Variants in LRP1B observed in about 807,000 individuals in gnomAD.
LRP1B encodes the protein LDL receptor related protein 1B.
In LRP1B, 217 loss-of-function variants were observed where a neutral mutation model predicts 556.6. That is an observed-to-expected ratio of 0.39 (90% CI 0.35 to 0.44). The LOEUF is 0.44. Ranked by LOEUF, LRP1B falls within the 20% of genes least tolerant of loss-of-function variation. The pLI, the probability that LRP1B is intolerant of heterozygous loss-of-function variation, is 1.00. For missense variants in LRP1B, 5,053 were observed against 5,620.8 expected (o/e 0.90, Z 3.23); for synonymous variants, 2,047 against 1,865.8 (o/e 1.10, Z -2.50).
intron 2 of LRP1B, among the ~76,000 whole-genome samples, chr2:141,809,143 C>T (rs1696257059): frequency 1.3e-5 from 2 of 152,134 alleles, no homozygotes; most frequent in South Asian, 2.1e-4. Flanking sequence ...TAAACTCTTC[C>T]TGTGGAAAAA....
chr2:140,899,247 C>T (rs971862765), intron 23 of LRP1B: 1 of 152,796 alleles, frequency 6.5e-6, no homozygotes, highest in African/African-American at 2.4e-5. Context: ...TTATGTTTTA[C>T]TCAATGATCC....
Position 140,702,432 on chromosome 2 carries a change from A to T in LRP1B, c.6145T>A (p.Tyr2049Asn), listed in dbSNP as rs1317866543. 1 of 1,613,498 alleles carries T rather than the reference A, an allele frequency of 6.2e-7. No homozygotes were observed. The highest frequency in any genetic ancestry group is 1.7e-4 in the Middle Eastern group (1 of 6,052). Residue 2049 changes from tyrosine (Y) to asparagine (N), a missense_variant, in exon 38 of 91, where the codon TAT becomes AAT. Around this residue, in one of 5 missense-constraint regions of LRP1B, gnomAD observed 3,619 missense variants for 3,931.9 expected, o/e 0.92. Transcript: ENST00000389484. ...IAWPNGISID[Y>N]EENKLYWCDA... ...TGAAAAGAAATCCAACAGACCTCATAGTCGATGGAGATGCCATTCGGCCAT... is the reference window on the plus strand; with the variant it reads ...TGAAAAGAAATCCAACAGACCTCATTGTCGATGGAGATGCCATTCGGCCAT...
intron 67 of LRP1B, among the ~76,000 whole-genome samples, chr2:140,379,484 C>A (rs1683378630): frequency 6.6e-6 from 1 of 152,084 alleles, no homozygotes; most frequent in Admixed American, 6.6e-5. Flanking sequence ...CAGTTGAGGT[C>A]AGGAGTTCAA....
intron 11 of LRP1B, among the ~76,000 whole-genome samples, chr2:141,044,539 T>C (rs1167784969): frequency 2.0e-5 from 3 of 148,922 alleles, no homozygotes; most frequent in African/African-American, 4.9e-5. Flanking sequence ...AGGGCTAATA[T>C]CCAGAATCTA....
At chr2:141,054,544 G>C (rs958023849) in intron 10 of LRP1B, among the ~76,000 whole-genome samples, 3 of 151,826 alleles carry the variant, frequency 2.0e-5, no homozygotes, top group African/African-American at 7.3e-5. Context: ...ATAAAACAAA[G>C]ATATATCTAA....
At chr2:140,404,898 T>A (rs761230614) in intron 66 of LRP1B, among the ~76,000 whole-genome samples, 8 of 152,330 alleles carry the variant, frequency 5.3e-5, no homozygotes, top group Middle Eastern at 3.4e-3. Flanking sequence ...CTACAAGACA[T>A]GCTACCCAAC....
intron 12 of LRP1B, among the ~76,000 whole-genome samples, chr2:141,016,615 A>T (rs1408318875): frequency 6.6e-6 from 1 of 152,126 alleles, no homozygotes; most frequent in East Asian, 1.9e-4. Flanking sequence ...AAACAAAAGC[A>T]TCTGCCTTTA....
rs147029389 is a variant in LRP1B at position 141,812,419 on chromosome 2, C to T, written c.83-2018G>A. On this transcript the variant is annotated intron_variant, in intron 1 of 90. Coordinates refer to ENST00000389484, the MANE Select transcript of LRP1B (RefSeq NM_018557.3). ...GTTCATTTTATCTATAGCTACTTTG[C>T]GTTTGATCTACGGTCTTGAAATGCT... is the stretch of plus-strand genomic sequence containing the variant. Among the ~76,000 whole-genome samples the T allele has an allele frequency of 1.3e-3, 200 of 152,156 alleles. 1 individual carries two copies. Among genetic ancestry groups the T allele is most frequent in the Non-Finnish European group, 5.1e-4 (35 of 67,984 alleles).
At chr2:140,662,194 T>G (rs922002713) in intron 41 of LRP1B, among the ~76,000 whole-genome samples, 6 of 151,930 alleles carry the variant, frequency 3.9e-5, no homozygotes, top group African/African-American at 1.4e-4. Context: ...ATATATATAC[T>G]ATTAAAAGGA....
At chr2:141,259,599 A>G (rs568708450) in intron 3 of LRP1B, among the ~76,000 whole-genome samples, 2 of 152,300 alleles carry the variant, frequency 1.3e-5, no homozygotes, top group Admixed American at 6.5e-5. Flanking sequence ...CAAGCCCACA[A>G]TGGAAAGAGC....
chr2:141,079,343 A>G (rs1699868795), intron 7 of LRP1B, among the ~76,000 whole-genome samples: 1 of 152,242 alleles, frequency 6.6e-6, no homozygotes, highest in Admixed American at 6.5e-5. Context: ...CTACTGAAGT[A>G]CTGGGACCAC....
rs75259946 is a variant in LRP1B, at chr2:140,580,618, T to C, written c.7194+18013A>G. ...TTCCAATTTCCATGATAGCTCATAATAGCTCAGAGAAAGAATGAGGAAATG... is the reference window on the plus strand; with the variant it reads ...TTCCAATTTCCATGATAGCTCATAACAGCTCAGAGAAAGAATGAGGAAATG... On this transcript the variant is annotated intron_variant, in intron 43 of 90. Coordinates refer to ENST00000389484, the MANE Select transcript of LRP1B (RefSeq NM_018557.3). Among the ~76,000 whole-genome samples the C allele has an allele frequency of 8.0e-3, 1,211 of 152,108 alleles. 17 individuals carry two copies. The highest frequency in any genetic ancestry group is 0.028 in the African/African-American group (1,162 of 41,356).
chr2:141,812,026 A>C (rs947991849), intron 1 of LRP1B, among the ~76,000 whole-genome samples: 2 of 152,160 alleles, frequency 1.3e-5, no homozygotes, highest in African/African-American at 4.8e-5. Flanking sequence ...TAAGGTAATA[A>C]TTATTGCAGT....
chr2:141,743,486 CT>C (rs765968445), intron 2 of LRP1B, among the ~76,000 whole-genome samples: 10,518 of 107,344 alleles, frequency 0.098, 379 homozygotes, highest in South Asian at 0.22. Context: ...CTGCTTTTTT[CT>C]TTTTTTTTTT....
chr2:140,301,084 T>C (rs1437003068), intron 83 of LRP1B, among the ~76,000 whole-genome samples: 1 of 152,150 alleles, frequency 6.6e-6, no homozygotes, highest in African/African-American at 2.4e-5. Flanking sequence ...AGTGATGGGC[T>C]AGAGCTGAAA....
At chr2:142,087,778 A>C (rs1277342042) in intron 1 of LRP1B, among the ~76,000 whole-genome samples, 1 of 152,090 alleles carries the variant, frequency 6.6e-6, no homozygotes, top group Non-Finnish European at 1.5e-5. Context: ...CTTAAGCCTA[A>C]GAACAGATAA....
chr2:140,529,528 C>T (rs1690595310), intron 47 of LRP1B, among the ~76,000 whole-genome samples: 1 of 151,810 alleles, frequency 6.6e-6, no homozygotes, highest in South Asian at 2.1e-4. Context: ...CCCTTAGGTT[C>T]TAAGGGTGCA....
intron 16 of LRP1B, among the ~76,000 whole-genome samples, chr2:140,993,292 C>CA (rs1697145657): frequency 1.3e-5 from 2 of 151,990 alleles, no homozygotes; most frequent in Admixed American, 6.6e-5. Context: ...TTATATCTCT[C>CA]AAAATCACTT....
chr2:140,233,302 A>G lies in LRP1B; in HGVS notation c.13684T>C (p.Tyr4562His), dbSNP rs752638131. 7.5e-6 allele frequency: 12 copies of G among 1,600,110 alleles called. No individual in the cohort carries two copies. Among genetic ancestry groups the G allele is most frequent in the Middle Eastern group, 1.7e-4 (1 of 5,968 alleles). ...TGCCCATCCATATATAATTTTGCAT[A>G]TACCGGATTGGAGTAATTTGTTGGC... is the stretch of plus-strand genomic sequence containing the variant. ...AGPTNYSNPV[Y>H]AKLYMDGQNC... Residue 4562 changes from tyrosine (Y) to histidine (H), a missense_variant, in exon 91 of 91, where the codon TAT becomes CAT. By Grantham distance (83) the Tyr-to-His change is moderately conservative. Coordinates refer to ENST00000389484, the MANE Select transcript of LRP1B (RefSeq NM_018557.3).
Sources: gnomAD v4.1 joint callset for allele counts (sites outside exome capture counted in the v4.1 genomes callset) on GRCh38, gnomAD v4.1.1 for gene constraint, gnomAD v4.1.1 regional missense constraint, MANE v1.5 for transcripts, NCBI Gene and HGNC (gene_info 2026-07-23, HGNC 2026-07-21) for gene names.